Variants in DPP6 observed in about 807,000 individuals in gnomAD.
The protein encoded by DPP6 is A-type potassium channel modulatory protein DPP6.
A neutral mutation model predicts 122.6 loss-of-function variants in DPP6; 69 were observed. That is an observed-to-expected ratio of 0.56 (90% CI 0.46 to 0.69). DPP6 has a LOEUF of 0.69. Among genes scored for constraint, DPP6 ranks in the 30% least tolerant of loss-of-function variants. The probability of loss-of-function intolerance (pLI) is 0.00; values close to 1 mark genes in which losing one functional copy is unlikely to be tolerated. For missense variants in DPP6, 928 were observed against 1,116.9 expected (o/e 0.83, Z 2.41); for synonymous variants, 418 against 433.1 (o/e 0.97, Z 0.43).
intron 1 of DPP6, among the ~76,000 whole-genome samples, chr7:154,147,862 AT>A (rs1242449682): frequency 0.033 from 4,781 of 143,326 alleles, no homozygotes; most frequent in African/African-American, 0.12. Context: ...TCTGTATTTG[AT>A]TTTTTTTACA....
At chr7:153,982,730 G>A (rs746901423) in intron 1 of DPP6, among the ~76,000 whole-genome samples, 20 of 152,168 alleles carry the variant, frequency 1.3e-4, no homozygotes, top group Admixed American at 2.6e-4. Context: ...GGGTTTTTGC[G>A]TTGTCGTCCT....
intron 1 of DPP6, among the ~76,000 whole-genome samples, chr7:154,225,969 C>T (rs35986115): frequency 0.21 from 32,403 of 151,976 alleles, 6,276 homozygotes; most frequent in African/African-American, 0.52. Context: ...TCATGTTACC[C>T]ACTTTTGATG....
intron 1 of DPP6, among the ~76,000 whole-genome samples, chr7:154,407,022 T>C (rs1420702719): frequency 2.6e-5 from 4 of 152,180 alleles, no homozygotes; most frequent in Non-Finnish European, 4.4e-5. Context: ...GTCATTATTC[T>C]TGCCTCTCAT....
chr7:154,587,310 T>G, intron 5 of DPP6: 1 of 325,652 alleles, frequency 3.1e-6, no homozygotes, highest in Non-Finnish European at 5.7e-6. Context: ...CTAAATTGGG[T>G]GATCTGCCTG....
intron 1 of DPP6, among the ~76,000 whole-genome samples, chr7:154,197,533 CAA>C (rs1563305414): frequency 6.6e-6 from 1 of 152,126 alleles, no homozygotes; most frequent in Non-Finnish European, 1.5e-5. Flanking sequence ...CTTTTGCAAA[CAA>C]GAGGTAGTCC....
chr7:154,264,961 C>T (rs529659577), intron 1 of DPP6, among the ~76,000 whole-genome samples: 806 of 7,260 alleles, frequency 0.11, 50 homozygotes, highest in Non-Finnish European at 0.16. Context: ...TGATGGTGAT[C>T]CTGATGATGG....
At chr7:153,922,053 A>G (rs926018411) in intron 1 of DPP6, among the ~76,000 whole-genome samples, 4 of 152,184 alleles carry the variant, frequency 2.6e-5, no homozygotes, top group Non-Finnish European at 5.9e-5. Context: ...GGCACTATTG[A>G]TCTGGTTCAA....
intron 1 of DPP6, among the ~76,000 whole-genome samples, chr7:154,211,230 T>G (rs571273483): frequency 3.7e-4 from 57 of 152,228 alleles, no homozygotes; most frequent in African/African-American, 1.2e-3. Flanking sequence ...GTGGCCAATG[T>G]GGGATGGCTG....
At chr7:154,747,512 T>C (rs1057063875) in intron 8 of DPP6, among the ~76,000 whole-genome samples, 3 of 152,198 alleles carry the variant, frequency 2.0e-5, no homozygotes, top group Non-Finnish European at 1.5e-5. Context: ...CTCTGTAAGA[T>C]GGAACTAGCA....
At chr7:153,833,390 C>A in the DPP6 span, among the ~76,000 whole-genome samples, 1 of 152,296 alleles carries the variant, frequency 6.6e-6, no homozygotes, top group Non-Finnish European at 1.5e-5. Context: ...AAGGGAGAAG[C>A]CAGCCGGGCA....
At chr7:154,744,097 G>A (rs1021730869) in intron 8 of DPP6, among the ~76,000 whole-genome samples, 3 of 152,048 alleles carry the variant, frequency 2.0e-5, no homozygotes, top group South Asian at 2.1e-4. Flanking sequence ...GGATCCTCCC[G>A]GTGCGTCCTG....
chr7:154,035,497 C>T (rs1460107712), intron 1 of DPP6, among the ~76,000 whole-genome samples: 4 of 152,116 alleles, frequency 2.6e-5, no homozygotes, highest in Admixed American at 2.6e-4. Flanking sequence ...TCAGTCCCGC[C>T]TCACTTCAGA....
rs759281513 is a variant in DPP6, at chr7:154,872,669, C to T, written c.1859C>T (p.Thr620Ile). Residue 620 changes from threonine (T) to isoleucine (I), a missense_variant, in exon 19 of 26, where the codon ACC (threonine) becomes ATC (isoleucine). Thr to Ile is a moderately conservative substitution (Grantham distance 89, BLOSUM62 -1). Transcript: ENST00000377770. The stretch of plus-strand genomic sequence containing the variant: ...AAGCCAGCAACCTTCACCGACACCA[C>T]CCACTACCCTCTGCTCCTGGTGGTG... ...ILKPATFTDTTHYPLLLVVDG... is the reference protein window; with the variant it reads ...ILKPATFTDTIHYPLLLVVDG... 14 of 1,601,342 alleles carry T rather than the reference C, an allele frequency of 8.7e-6. No individual in the cohort carries two copies. The Middle Eastern group carries it at 1.7e-3, about 189-fold the overall frequency.
chr7:154,522,902 C>T (rs544980769), intron 3 of DPP6, among the ~76,000 whole-genome samples: 1 of 152,296 alleles, frequency 6.6e-6, no homozygotes, highest in East Asian at 1.9e-4. Flanking sequence ...TACCTAAACA[C>T]GAGAATAGTT....
At chr7:154,874,768 GCTGA>G (rs2150650527) in intron 19 of DPP6, among the ~76,000 whole-genome samples, 1 of 152,296 alleles carries the variant, frequency 6.6e-6, no homozygotes, top group African/African-American at 2.4e-5. Context: ...TGGACCTGGG[GCTGA>G]CTTTCTCTCC....
At chr7:154,496,150 A>T (rs1824718621) in intron 3 of DPP6, among the ~76,000 whole-genome samples, 1 of 152,186 alleles carries the variant, frequency 6.6e-6, no homozygotes. Context: ...GATGCCTATG[A>T]TATGTTTCTA....
chr7:154,112,394 C>G (rs200145775), intron 1 of DPP6, among the ~76,000 whole-genome samples: 705 of 138,474 alleles, frequency 5.1e-3, no homozygotes, highest in African/African-American at 0.016. Context: ...CCTTTAATCC[C>G]AGTATTTTGG....
intron 5 of DPP6, among the ~76,000 whole-genome samples, chr7:154,629,157 A>G (rs1357498071): frequency 6.6e-6 from 1 of 152,184 alleles, no homozygotes; most frequent in East Asian, 1.9e-4. Context: ...ATTTCCAGAT[A>G]TGGATATGAC....
chr7:154,709,370 G>A (rs1841024337), intron 7 of DPP6, among the ~76,000 whole-genome samples: 1 of 151,930 alleles, frequency 6.6e-6, no homozygotes, highest in Non-Finnish European at 1.5e-5. Context: ...TGTTGTTGTT[G>A]TTGTTGTTGT....
Sources: allele counts gnomAD v4.1 joint callset (sites outside exome capture counted in the v4.1 genomes callset), GRCh38; gene constraint gnomAD v4.1.1; transcripts MANE v1.5; gene names NCBI Gene and HGNC (gene_info 2026-07-23, HGNC 2026-07-21).